The following TAFA2 variants were observed in gnomAD, a reference collection of about 807,000 sequenced individuals.
The protein encoded by TAFA2 is chemokine-like protein TAFA-2.
TAFA2 carries 7 observed loss-of-function variants against 18.8 expected under a neutral mutation model. The ratio of observed to expected loss-of-function variants is 0.37; its 90% CI spans 0.21 to 0.70. The LOEUF (loss-of-function observed/expected upper bound fraction) is 0.70, where lower values mean the gene tolerates loss of function less well. TAFA2 is among the 30% of genes least tolerant of loss of function. The pLI, the probability that TAFA2 is intolerant of heterozygous loss-of-function variation, is 0.53. For missense variants in TAFA2, 122 were observed against 158.1 expected (o/e 0.77, Z 1.23); for synonymous variants, 60 against 54.2 (o/e 1.11, Z -0.47).
chr12:61,843,308 G>A (rs1445881497), intron 2 of TAFA2, among the ~76,000 whole-genome samples: 1 of 151,990 alleles, frequency 6.6e-6, no homozygotes, highest in African/African-American at 2.4e-5. Flanking sequence ...AACAAAGCTG[G>A]TGTACTGCTA....
chr12:62,233,190 C>T (rs1031923515), intron 1 of TAFA2, among the ~76,000 whole-genome samples: 1 of 142,168 alleles, frequency 7.0e-6, no homozygotes, highest in Non-Finnish European at 1.5e-5. Context: ...AAGTGATTAT[C>T]CTGCCTCAGC....
At chr12:62,165,939 TCACACACA>T (rs34593506) in intron 1 of TAFA2, among the ~76,000 whole-genome samples, 13 of 139,450 alleles carry the variant, frequency 9.3e-5, no homozygotes, top group South Asian at 2.4e-4. Context: ...TCTCTCTCTC[TCACACACA>T]CACACACACA....
chr12:62,168,254 T>C (rs577135722), intron 1 of TAFA2, among the ~76,000 whole-genome samples: 1 of 152,240 alleles, frequency 6.6e-6, no homozygotes, highest in East Asian at 1.9e-4. Flanking sequence ...AATTAATAGA[T>C]TTAGGAACTG....
intron 2 of TAFA2, among the ~76,000 whole-genome samples, chr12:61,809,043 T>C (rs1871748264): frequency 6.6e-6 from 1 of 151,628 alleles, no homozygotes; most frequent in South Asian, 2.1e-4. Context: ...TAGAAATAGA[T>C]GAGTCACAGA....
At chr12:62,065,381 C>T (rs1362490873) in intron 1 of TAFA2, among the ~76,000 whole-genome samples, 1 of 151,960 alleles carries the variant, frequency 6.6e-6, no homozygotes, top group Non-Finnish European at 1.5e-5. Flanking sequence ...CAACCTATTG[C>T]AGACTAGGAT....
intron 2 of TAFA2, among the ~76,000 whole-genome samples, chr12:61,780,132 T>C (rs1050819238): frequency 2.1e-5 from 3 of 140,908 alleles, no homozygotes; most frequent in African/African-American, 7.4e-5. Flanking sequence ...ACAGGACATA[T>C]GGAAGAGAGG....
intron 1 of TAFA2, among the ~76,000 whole-genome samples, chr12:61,940,878 G>A (rs1348423344): frequency 6.6e-6 from 1 of 151,876 alleles, no homozygotes. Flanking sequence ...TGAGGGAAAC[G>A]GTAGTAATTT....
intron 1 of TAFA2, among the ~76,000 whole-genome samples, chr12:62,085,751 A>G (rs74633396): frequency 0.054 from 8,244 of 152,230 alleles, 335 homozygotes; most frequent in Non-Finnish European, 0.083. Context: ...ACAGGCCTAA[A>G]TGTAAGAGCT....
chr12:61,822,348 A>G (rs1872355910), intron 2 of TAFA2, among the ~76,000 whole-genome samples: 1 of 152,134 alleles, frequency 6.6e-6, no homozygotes, highest in Non-Finnish European at 1.5e-5. Context: ...TGACATTTTA[A>G]ATAGCATAAA....
At chr12:61,744,782 C>G (rs1868622515) in intron 4 of TAFA2, among the ~76,000 whole-genome samples, 1 of 151,964 alleles carries the variant, frequency 6.6e-6, no homozygotes, top group African/African-American at 2.4e-5. Context: ...AACTCTTGGC[C>G]TCAAGCAATC....
chr12:61,976,833 T>A (rs1175468181), intron 1 of TAFA2, among the ~76,000 whole-genome samples: 1 of 152,090 alleles, frequency 6.6e-6, no homozygotes, highest in Non-Finnish European at 1.5e-5. Context: ...TTCATCCATG[T>A]CCCTGCAAAG....
chr12:62,235,137 A>C, intron 1 of TAFA2: 1 of 653,386 alleles, frequency 1.5e-6, no homozygotes, highest in Middle Eastern at 2.6e-4. Flanking sequence ...GGGCCCACTG[A>C]AAATCATCAT....
At chr12:61,841,987 G>A (rs920845559) in intron 2 of TAFA2, among the ~76,000 whole-genome samples, 13 of 151,998 alleles carry the variant, frequency 8.6e-5, no homozygotes, top group Non-Finnish European at 1.0e-4. Context: ...CGTCATGATT[G>A]GAGTTCCTTG....
intron 2 of TAFA2, among the ~76,000 whole-genome samples, chr12:61,766,532 G>A (rs1334691962): frequency 6.6e-6 from 1 of 152,014 alleles, no homozygotes; most frequent in African/African-American, 2.4e-5. Flanking sequence ...ACCATTCCCT[G>A]CTCTGATTAA....
At chr12:61,818,061 G>GC (rs1872159508) in intron 2 of TAFA2, among the ~76,000 whole-genome samples, 1 of 152,118 alleles carries the variant, frequency 6.6e-6, no homozygotes, top group Non-Finnish European at 1.5e-5. Context: ...AGAGCAGGAT[G>GC]CCTGCCATCC....
chr12:61,835,255 G>A (rs1019389314), intron 2 of TAFA2, among the ~76,000 whole-genome samples: 7 of 151,852 alleles, frequency 4.6e-5, no homozygotes, highest in African/African-American at 1.5e-4. Context: ...TATAAATAAC[G>A]ATACTCACTT....
At chr12:62,063,702 C>T (rs1459593181) in intron 1 of TAFA2, among the ~76,000 whole-genome samples, 1 of 152,124 alleles carries the variant, frequency 6.6e-6, no homozygotes, top group Non-Finnish European at 1.5e-5. Flanking sequence ...GATGTATCAA[C>T]TGTTATGGTT....
intron 2 of TAFA2, among the ~76,000 whole-genome samples, chr12:61,836,698 G>A (rs1872932377): frequency 7.2e-6 from 1 of 138,560 alleles, no homozygotes; most frequent in Admixed American, 7.8e-5. Context: ...CCATAAAATA[G>A]CTAGCACTTA....
chr12:61,988,077 C>T (rs1387353188), intron 1 of TAFA2, among the ~76,000 whole-genome samples: 1 of 152,060 alleles, frequency 6.6e-6, no homozygotes, highest in Non-Finnish European at 1.5e-5. Flanking sequence ...TGGCAATACC[C>T]ACATTTTGAG....
Sources: allele counts gnomAD v4.1 joint callset (sites outside exome capture counted in the v4.1 genomes callset), GRCh38; gene constraint gnomAD v4.1.1; transcripts MANE v1.5; gene names NCBI Gene and HGNC (gene_info 2026-07-23, HGNC 2026-07-21).